The following SORCS1 variants were observed in gnomAD, a reference collection of about 807,000 sequenced individuals.
SORCS1 encodes the protein sortilin related VPS10 domain containing receptor 1, also known as VPS10 domain-containing receptor SorCS1.
SORCS1 carries 60 observed loss-of-function variants against 146.1 expected under a neutral mutation model. That is an observed-to-expected ratio of 0.41 (90% CI 0.33 to 0.51). The LOEUF (loss-of-function observed/expected upper bound fraction) is 0.51. SORCS1 is among the 20% of genes least tolerant of loss of function. The pLI, the probability that SORCS1 is intolerant of heterozygous loss-of-function variation, is 0.21. For synonymous variants in SORCS1, 637 were observed against 584.0 expected (o/e 1.09, Z -1.31); for missense variants, 1,352 against 1,487.6 (o/e 0.91, Z 1.50).
intron 5 of SORCS1, among the ~76,000 whole-genome samples, chr10:106,749,451 A>G (rs1419043888): frequency 6.6e-6 from 1 of 152,182 alleles, no homozygotes; most frequent in Non-Finnish European, 1.5e-5. Flanking sequence ...TTGCAGTCCT[A>G]CCTAAGCAGC....
intron 3 of SORCS1, among the ~76,000 whole-genome samples, chr10:106,801,821 T>C (rs192369472): frequency 1.4e-3 from 218 of 152,230 alleles, no homozygotes; most frequent in Middle Eastern, 3.4e-3. Flanking sequence ...TGAGCCACCG[T>C]GCCCAGCTAG....
chr10:107,079,283 C>A (rs1963143190), intron 1 of SORCS1, among the ~76,000 whole-genome samples: 1 of 151,830 alleles, frequency 6.6e-6, no homozygotes, highest in African/African-American at 2.4e-5. Flanking sequence ...AGACATGGTA[C>A]CTTTCACTAA....
intron 8 of SORCS1, 102 bp downstream of exon 8, chr10:106,706,443 A>G (rs1215580729): frequency 2.6e-6 from 3 of 1,136,580 alleles, no homozygotes; most frequent in East Asian, 2.4e-5. Context: ...TGTAAAGAAA[A>G]CATGACTATG....
At chr10:106,643,025 G>A (rs929284840) in intron 18 of SORCS1, among the ~76,000 whole-genome samples, 1 of 152,126 alleles carries the variant, frequency 6.6e-6, no homozygotes, top group Non-Finnish European at 1.5e-5. Context: ...TTCTACAGAG[G>A]CTTAGGAGCT....
chr10:107,089,120 A>G (rs1963980140), intron 1 of SORCS1, among the ~76,000 whole-genome samples: 1 of 152,238 alleles, frequency 6.6e-6, no homozygotes, highest in African/African-American at 2.4e-5. Context: ...ATAATCACCC[A>G]AAGCCAAATT....
chr10:106,657,158 T>A (rs1361971350), intron 17 of SORCS1, among the ~76,000 whole-genome samples: 1 of 152,174 alleles, frequency 6.6e-6, no homozygotes. Flanking sequence ...TGTACATGTA[T>A]GCTTATCACA....
At chr10:106,710,507 G>C (rs920222739) in intron 6 of SORCS1, among the ~76,000 whole-genome samples, 5 of 150,638 alleles carry the variant, frequency 3.3e-5, no homozygotes, top group African/African-American at 4.9e-5. Flanking sequence ...CTTTACAATT[G>C]AATCAGTTGA....
At chr10:106,673,051 A>G in intron 14 of SORCS1, 66 bp from the exon 15 acceptor site, 2 of 1,336,414 alleles carry the variant, frequency 1.5e-6, no homozygotes. Context: ...AACAACAGAG[A>G]GCATTTGTGG....
At chr10:107,102,123 G>A (rs1481477922) in intron 1 of SORCS1, among the ~76,000 whole-genome samples, 3 of 152,146 alleles carry the variant, frequency 2.0e-5, no homozygotes, top group Non-Finnish European at 4.4e-5. Context: ...TGCAACACAT[G>A]ATATGTATTT....
intron 1 of SORCS1, among the ~76,000 whole-genome samples, chr10:107,038,698 G>GT (rs1199857384): frequency 1.4e-3 from 26 of 18,908 alleles, no homozygotes; most frequent in Admixed American, 7.4e-3. Flanking sequence ...GCAGGGGGCG[G>GT]GGGGGGAGGT....
chr10:107,026,717 C>T (rs1052392028), intron 1 of SORCS1, among the ~76,000 whole-genome samples: 2 of 151,964 alleles, frequency 1.3e-5, no homozygotes, highest in East Asian at 1.9e-4. Flanking sequence ...ATGGGGGAAG[C>T]GGAGCTGTGC....
intron 1 of SORCS1, among the ~76,000 whole-genome samples, chr10:107,115,778 C>T (rs886419508): frequency 6.6e-6 from 1 of 151,802 alleles, no homozygotes; most frequent in Non-Finnish European, 1.5e-5. Context: ...AGCTTCTGCA[C>T]AACAAAGAAA....
intron 2 of SORCS1, among the ~76,000 whole-genome samples, chr10:106,913,036 G>T (rs956651464): frequency 6.6e-6 from 1 of 151,294 alleles, no homozygotes; most frequent in Non-Finnish European, 1.5e-5. Context: ...AAGCCAGATC[G>T]TGAGCCTGTG....
At chr10:106,806,497 G>A in intron 3 of SORCS1, among the ~76,000 whole-genome samples, 1 of 145,704 alleles carries the variant, frequency 6.9e-6, no homozygotes, top group African/African-American at 2.5e-5. Flanking sequence ...TCTGATGAGA[G>A]AGGAAGCCTT....
At chr10:107,122,691 C>T (rs568556102) in intron 1 of SORCS1, among the ~76,000 whole-genome samples, 13 of 152,010 alleles carry the variant, frequency 8.6e-5, no homozygotes, top group South Asian at 6.2e-4. Context: ...CATCTCCTTA[C>T]GGACTAAAAG....
Position 106,577,326 on chromosome 10 carries a change from AAC to A in SORCS1, c.*92_*93del. 6.2e-7 allele frequency: 1 copy of A among 1,610,172 alleles called. No individual in the cohort carries two copies. Among genetic ancestry groups the A allele is most frequent in the Non-Finnish European group, 8.5e-7 (1 of 1,178,546 alleles). On this transcript the variant is annotated 3_prime_UTR_variant, in exon 26 of 26. Transcript: ENST00000263054. Reference sequence around the variant, plus strand: ...ACAGAACAACAAAGGAAAGAAAAAAAACACAAAGTTAGTGGTCATGAAGGATG... The same window carrying A: ...ACAGAACAACAAAGGAAAGAAAAAAAACAAAGTTAGTGGTCATGAAGGATG...
At chr10:106,816,648 C>A (rs1264007677) in intron 3 of SORCS1, among the ~76,000 whole-genome samples, 1 of 152,028 alleles carries the variant, frequency 6.6e-6, no homozygotes, top group South Asian at 2.1e-4. Context: ...TATGTTGACA[C>A]AAAAGGTCAT....
chr10:106,816,740 T>C (rs1279291342), intron 3 of SORCS1, among the ~76,000 whole-genome samples: 2 of 152,196 alleles, frequency 1.3e-5, no homozygotes, highest in African/African-American at 4.8e-5. Context: ...GGTCCCTCTC[T>C]TCTTGTTTGA....
At position 106,970,336 on chromosome 10, in the gene SORCS1, C is replaced by CTTTTTTTTTT. The variant is rs766818370; in HGVS notation, c.559-13766_559-13757dup. ...TTCCCTCCAAATGTAACCAACATCT[C>CTTTTTTTTTT]TTTTTTTTTTTTTTTTTTTGAGATG... is the stretch of plus-strand genomic sequence containing the variant. On this transcript the variant is annotated intron_variant, in intron 1 of 25. Transcript: ENST00000263054. Among the ~76,000 whole-genome samples the CTTTTTTTTTT allele has an allele frequency of 1.6e-3, 140 of 89,424 alleles. 13 individuals carry two copies. Among genetic ancestry groups the CTTTTTTTTTT allele is most frequent in the African/African-American group, 6.2e-3 (115 of 18,456 alleles). 58.7% of individuals were successfully genotyped at this position (89,424 alleles called of 152,430 possible). A position where few individuals can be genotyped will look rare whatever the true frequency, so the allele number is the denominator to read the frequency against.
Sources: allele counts gnomAD v4.1 joint callset (sites outside exome capture counted in the v4.1 genomes callset), GRCh38; gene constraint gnomAD v4.1.1; transcripts MANE v1.5; gene names NCBI Gene and HGNC (gene_info 2026-07-23, HGNC 2026-07-21).